UMAD1: variants seen among roughly 807,000 people sequenced by gnomAD.
UMAD1 encodes the protein UBAP1-MVB12-associated (UMA)-domain containing protein 1.
Under a neutral mutation model 6.1 loss-of-function variants are expected in UMAD1, and 8 were observed. The ratio of observed to expected loss-of-function variants is 1.30; its 90% CI spans 0.76 to 2.35. The LOEUF is 2.35. Ranked by LOEUF, UMAD1 falls within the 30% of genes most tolerant of loss-of-function variation. The pLI, the probability that UMAD1 is intolerant of heterozygous loss-of-function variation, is 0.00. For synonymous variants in UMAD1, 56 were observed against 31.4 expected, an observed-to-expected ratio of 1.78 and a Z score of -2.61; for missense variants, 130 against 78.4, an observed-to-expected ratio of 1.66 and a Z score of -2.49.
intron 1 of UMAD1, among the ~76,000 whole-genome samples, chr7:7,661,363 TATG>T (rs1785470216): frequency 6.6e-6 from 1 of 152,210 alleles, no homozygotes; most frequent in African/African-American, 2.4e-5. Flanking sequence ...GCTGAGGAGT[TATG>T]ATCCTTTGGA....
intron 2 of UMAD1, among the ~76,000 whole-genome samples, chr7:7,708,647 A>C (rs368999522): frequency 6.6e-6 from 1 of 152,224 alleles, no homozygotes; most frequent in South Asian, 2.1e-4. Context: ...CCATTAAAGT[A>C]GTAATATACT....
intron 3 of UMAD1, among the ~76,000 whole-genome samples, chr7:7,837,390 T>C (rs1251982556): frequency 6.6e-6 from 1 of 152,118 alleles, no homozygotes; most frequent in African/African-American, 2.4e-5. Flanking sequence ...GAAAGTGGTT[T>C]ATATGAGAAT....
At chr7:7,807,446 C>T (rs187187775) in intron 3 of UMAD1, among the ~76,000 whole-genome samples, 4 of 152,134 alleles carry the variant, frequency 2.6e-5, no homozygotes, top group East Asian at 1.9e-4. Flanking sequence ...ATGAATGTAG[C>T]GTGGCCTATG....
chr7:7,812,383 G>T (rs2115285528), intron 3 of UMAD1, among the ~76,000 whole-genome samples: 1 of 152,274 alleles, frequency 6.6e-6, no homozygotes, highest in East Asian at 1.9e-4. Context: ...ATGAAGTTAG[G>T]TAGCTTAAAA....
chr7:7,642,161 ATCTC>A (rs940736526), intron 1 of UMAD1, among the ~76,000 whole-genome samples: 5 of 152,176 alleles, frequency 3.3e-5, no homozygotes, highest in Admixed American at 1.3e-4. Flanking sequence ...TTGAGGCAAG[ATCTC>A]TCTCTGTCAC....
At chr7:7,782,681 G>T (rs138344428) in intron 2 of UMAD1, among the ~76,000 whole-genome samples, 2 of 150,512 alleles carry the variant, frequency 1.3e-5, no homozygotes, top group Non-Finnish European at 2.9e-5. Flanking sequence ...GTTATTGACC[G>T]TCTGTGCCTA....
At chr7:7,663,392 G>C (rs967321612) in intron 1 of UMAD1, among the ~76,000 whole-genome samples, 1 of 152,016 alleles carries the variant, frequency 6.6e-6, no homozygotes, top group Non-Finnish European at 1.5e-5. Context: ...CTGTTCTGTG[G>C]AGCTGAAAAG....
At chr7:7,716,446 G>C (rs987830127) in intron 2 of UMAD1, among the ~76,000 whole-genome samples, 12 of 152,138 alleles carry the variant, frequency 7.9e-5, no homozygotes, top group Admixed American at 2.0e-4. Context: ...CTGAAAGATC[G>C]AGCTGCAGAC....
At chr7:7,731,534 A>G (rs895602015) in intron 2 of UMAD1, among the ~76,000 whole-genome samples, 51 of 149,998 alleles carry the variant, frequency 3.4e-4, no homozygotes, top group African/African-American at 1.0e-3. Flanking sequence ...ACTAGAATCA[A>G]TAAGATTGGC....
chr7:7,853,976 G>T (rs1321108294), intron 3 of UMAD1, among the ~76,000 whole-genome samples: 1 of 152,130 alleles, frequency 6.6e-6, no homozygotes, highest in Non-Finnish European at 1.5e-5. Flanking sequence ...GGTTGCTGAA[G>T]AGCCCTTCTA....
At chr7:7,827,071 G>T (rs1783355370) in intron 3 of UMAD1, among the ~76,000 whole-genome samples, 1 of 150,910 alleles carries the variant, frequency 6.6e-6, no homozygotes, top group African/African-American at 2.4e-5. Flanking sequence ...TGCCAAAGAA[G>T]ATGGATTAAT....
chr7:7,797,191 C>G (rs1349791420), intron 2 of UMAD1, among the ~76,000 whole-genome samples: 1 of 152,058 alleles, frequency 6.6e-6, no homozygotes, highest in Admixed American at 6.5e-5. Flanking sequence ...AAGAGAAATG[C>G]CAGACTCTTA....
At chr7:7,863,035 A>C (rs1158151356) in intron 3 of UMAD1, among the ~76,000 whole-genome samples, 3 of 151,876 alleles carry the variant, frequency 2.0e-5, no homozygotes, top group Non-Finnish European at 4.4e-5. Context: ...AAAAGAAATC[A>C]GCTTGGCCAA....
At chr7:7,660,630 C>A (rs962457109) in intron 1 of UMAD1, among the ~76,000 whole-genome samples, 5 of 152,064 alleles carry the variant, frequency 3.3e-5, no homozygotes, top group African/African-American at 4.8e-5. Flanking sequence ...ACTATTGGCC[C>A]CACTCTCTTC....
chr7:7,718,029 A>G (rs1471908597), intron 2 of UMAD1, among the ~76,000 whole-genome samples: 1 of 152,224 alleles, frequency 6.6e-6, no homozygotes. Context: ...AATTGACACA[A>G]TGATTTTTAA....
chr7:7,752,795 ATGTT>A (rs1781703169), intron 2 of UMAD1, among the ~76,000 whole-genome samples: 1 of 152,092 alleles, frequency 6.6e-6, no homozygotes, highest in Non-Finnish European at 1.5e-5. Context: ...GAATTTCATG[ATGTT>A]TATTTTCAGC....
intron 3 of UMAD1, among the ~76,000 whole-genome samples, chr7:7,873,992 GCTCCAC>G (rs1206295449): frequency 1.3e-5 from 2 of 152,046 alleles, no homozygotes; most frequent in Non-Finnish European, 2.9e-5. Context: ...CCTACTAACA[GCTCCAC>G]CTGATGTCCG....
At chr7:7,765,363 A>G (rs1781964496) in intron 2 of UMAD1, among the ~76,000 whole-genome samples, 1 of 152,200 alleles carries the variant, frequency 6.6e-6, no homozygotes, top group Non-Finnish European at 1.5e-5. Context: ...ATCATACCAT[A>G]GCTTCAGAAA....
intron 2 of UMAD1, among the ~76,000 whole-genome samples, chr7:7,799,914 G>A (rs567623278): frequency 6.6e-6 from 1 of 152,246 alleles, no homozygotes; most frequent in African/African-American, 2.4e-5. Flanking sequence ...ATGGAGTTTC[G>A]CTGTTGTTCC....
Sources: gnomAD v4.1 joint callset for allele counts (sites outside exome capture counted in the v4.1 genomes callset) on GRCh38, gnomAD v4.1.1 for gene constraint, MANE v1.5 for transcripts, NCBI Gene and HGNC (gene_info 2026-07-23, HGNC 2026-07-21) for gene names.